Variants in FAF1 observed in about 807,000 individuals in gnomAD.
The protein encoded by FAF1 is Fas associated factor 1.
In FAF1, 25 loss-of-function variants were observed where a neutral mutation model predicts 92.5. That is an observed-to-expected ratio of 0.27 (90% CI 0.20 to 0.38). The LOEUF (loss-of-function observed/expected upper bound fraction) is 0.38. FAF1 is among the 10% of genes least tolerant of loss of function. The pLI, the probability that FAF1 is intolerant of heterozygous loss-of-function variation, is 1.00. For synonymous variants in FAF1, 234 were observed against 273.2 expected (o/e 0.86, Z 1.42); for missense variants, 636 against 793.3 (o/e 0.80, Z 2.38).
At chr1:50,745,799 G>A (rs1187809820) in intron 4 of FAF1, among the ~76,000 whole-genome samples, 1 of 152,146 alleles carries the variant, frequency 6.6e-6, no homozygotes, top group African/African-American at 2.4e-5. Context: ...AGAGAGAATT[G>A]CTACTGAAAA....
At chr1:50,693,935 A>C (rs1044764965) in intron 7 of FAF1, among the ~76,000 whole-genome samples, 5 of 145,900 alleles carry the variant, frequency 3.4e-5, no homozygotes, top group Admixed American at 3.3e-4. Context: ...AAGACTCTTA[A>C]GATATTTACT....
chr1:50,799,821 T>C (rs1259592031), intron 3 of FAF1, among the ~76,000 whole-genome samples: 16 of 152,190 alleles, frequency 1.1e-4, no homozygotes. Flanking sequence ...TGCCTGCATA[T>C]ACCATTTCCA....
chr1:50,526,223 G>T (rs1647792026), intron 15 of FAF1, among the ~76,000 whole-genome samples: 1 of 151,818 alleles, frequency 6.6e-6, no homozygotes, highest in Non-Finnish European at 1.5e-5. Context: ...TGATCTCCTG[G>T]GCTCAAGCAA....
intron 1 of FAF1, among the ~76,000 whole-genome samples, chr1:50,871,502 AT>A (rs1644528070): frequency 6.6e-6 from 1 of 152,226 alleles, no homozygotes; most frequent in African/African-American, 2.4e-5. Context: ...CTTATTGACC[AT>A]TCTGAAAATC....
intron 1 of FAF1, among the ~76,000 whole-genome samples, chr1:50,932,399 A>G (rs1645055179): frequency 6.6e-6 from 1 of 152,194 alleles, no homozygotes; most frequent in African/African-American, 2.4e-5. Context: ...AAATTAGCCA[A>G]AACAAAGGGG....
intron 1 of FAF1, among the ~76,000 whole-genome samples, chr1:50,920,362 G>C (rs1644953122): frequency 6.6e-6 from 1 of 151,744 alleles, no homozygotes; most frequent in Non-Finnish European, 1.5e-5. Flanking sequence ...AAAAACAGCA[G>C]GCATTACTGC....
At chr1:50,883,853 A>G (rs532788463) in intron 1 of FAF1, among the ~76,000 whole-genome samples, 11 of 152,190 alleles carry the variant, frequency 7.2e-5, no homozygotes, top group Non-Finnish European at 1.6e-4. Context: ...GGCCAGGCGC[A>G]GTGGCTCATA....
At chr1:50,747,840 G>A (rs1659689740) in intron 4 of FAF1, among the ~76,000 whole-genome samples, 1 of 152,072 alleles carries the variant, frequency 6.6e-6, no homozygotes. Context: ...GTTCTCGTGA[G>A]ATCTGGGTGT....
chr1:50,548,206 T>C (rs368874754), intron 13 of FAF1, among the ~76,000 whole-genome samples: 2 of 152,224 alleles, frequency 1.3e-5, no homozygotes, highest in African/African-American at 2.4e-5. Context: ...GTCTTTAGCA[T>C]AGTAAGAATA....
rs565040632 is a variant in FAF1 at position 50,470,016 on chromosome 1, G to T, written c.1869+5448C>A. Among the ~76,000 whole-genome samples the T allele has an allele frequency of 2.6e-5, 4 of 152,240 alleles. No individual in the cohort carries two copies. The South Asian group carries it at 8.3e-4, about 32-fold the overall frequency. ...CATCTTGGCTTATTTTGAGAACAAA[G>T]CTTTTAAGATACAGTCATTCAATTG... On this transcript the variant is annotated intron_variant, in intron 18 of 18. Transcript: ENST00000396153.
At chr1:50,848,407 AC>A (rs1644320784) in intron 2 of FAF1, among the ~76,000 whole-genome samples, 1 of 152,210 alleles carries the variant, frequency 6.6e-6, no homozygotes, top group African/African-American at 2.4e-5. Context: ...ATATTGTGAA[AC>A]CTAGGATAAC....
chr1:50,806,130 T>C (rs946161892), intron 2 of FAF1, among the ~76,000 whole-genome samples: 12 of 152,108 alleles, frequency 7.9e-5, no homozygotes, highest in Non-Finnish European at 1.5e-4. Flanking sequence ...CTGAGATAGA[T>C]TTATATTAAA....
At chr1:50,835,570 C>CAAAAAAA (rs573942977) in intron 2 of FAF1, among the ~76,000 whole-genome samples, 4 of 54,882 alleles carry the variant, frequency 7.3e-5, no homozygotes, top group East Asian at 6.9e-4. Context: ...GACTCCATCT[C>CAAAAAAA]AAAAAAAAAA....
chr1:50,888,994 C>G (rs908341887), intron 1 of FAF1, among the ~76,000 whole-genome samples: 1 of 152,024 alleles, frequency 6.6e-6, no homozygotes, highest in Non-Finnish European at 1.5e-5. Context: ...CATCTGGTCC[C>G]GGACTTTTTT....
At chr1:50,881,063 CATT>C (rs1323122681) in intron 1 of FAF1, among the ~76,000 whole-genome samples, 1 of 152,174 alleles carries the variant, frequency 6.6e-6, no homozygotes, top group African/African-American at 2.4e-5. Context: ...GGGGTTCAAA[CATT>C]AGTACTGTTT....
chr1:50,486,621 T>C (rs1300638803), intron 17 of FAF1, among the ~76,000 whole-genome samples: 1 of 152,154 alleles, frequency 6.6e-6, no homozygotes, highest in Non-Finnish European at 1.5e-5. Flanking sequence ...CTGTGCTATT[T>C]TAGTGGTTTT....
chr1:50,609,038 A>C (rs754560882), intron 8 of FAF1, among the ~76,000 whole-genome samples: 1 of 152,244 alleles, frequency 6.6e-6, no homozygotes, highest in Admixed American at 6.5e-5. Flanking sequence ...AGACAGTACT[A>C]TAAGTAGAGT....
At chr1:50,761,208 C>A (rs1234248078) in intron 4 of FAF1, among the ~76,000 whole-genome samples, 1 of 152,176 alleles carries the variant, frequency 6.6e-6, no homozygotes, top group Non-Finnish European at 1.5e-5. Flanking sequence ...AGCTTACCAA[C>A]CTAAAAGAGT....
At chr1:50,871,093 A>G (rs1455816656) in intron 1 of FAF1, among the ~76,000 whole-genome samples, 1 of 152,250 alleles carries the variant, frequency 6.6e-6, no homozygotes, top group African/African-American at 2.4e-5. Flanking sequence ...AACCAGTCGA[A>G]ACTTTTGCTT....
Sources: gnomAD v4.1 joint callset for allele counts (sites outside exome capture counted in the v4.1 genomes callset) on GRCh38, gnomAD v4.1.1 for gene constraint, MANE v1.5 for transcripts, NCBI Gene and HGNC (gene_info 2026-07-23, HGNC 2026-07-21) for gene names.